The following ARHGAP26 variants were observed in gnomAD, a reference collection of about 807,000 sequenced individuals.
ARHGAP26 encodes the protein Rho GTPase activating protein 26, also known as rho GTPase-activating protein 26.
ARHGAP26 carries 38 observed loss-of-function variants against 104.8 expected under a neutral mutation model. The observed-to-expected ratio is 0.36, with a 90% confidence interval of 0.28 to 0.48. The LOEUF is 0.48. Among genes scored for constraint, ARHGAP26 ranks in the 20% least tolerant of loss-of-function variants. ARHGAP26 has a pLI of 0.99. For synonymous variants in ARHGAP26, 341 were observed against 340.0 expected (o/e 1.00, Z -0.03); for missense variants, 704 against 947.9 (o/e 0.74, Z 3.38).
At chr5:142,801,285 G>A (rs751307952) in intron 1 of ARHGAP26, among the ~76,000 whole-genome samples, 82 of 152,292 alleles carry the variant, frequency 5.4e-4, no homozygotes, top group Middle Eastern at 3.4e-3. Context: ...TGCTATTCTA[G>A]TGCTGCACTG....
At chr5:142,865,388 G>C (rs889140442) in intron 1 of ARHGAP26, among the ~76,000 whole-genome samples, 6 of 151,818 alleles carry the variant, frequency 4.0e-5, no homozygotes, top group African/African-American at 1.2e-4. Flanking sequence ...ACAGCACTTT[G>C]GAAATACATA....
At chr5:142,958,505 A>G (rs1769623379) in intron 11 of ARHGAP26, among the ~76,000 whole-genome samples, 1 of 151,992 alleles carries the variant, frequency 6.6e-6, no homozygotes, top group Non-Finnish European at 1.5e-5. Flanking sequence ...CGTCTTTACA[A>G]AATATAAAAC....
chr5:142,810,137 G>T (rs1763780917), intron 1 of ARHGAP26, among the ~76,000 whole-genome samples: 1 of 152,190 alleles, frequency 6.6e-6, no homozygotes, highest in South Asian at 2.1e-4. Context: ...TTTGGCTGAT[G>T]AATTCTTCTC....
chr5:143,012,560 T>TATATATACATACATAC (rs1554195681), intron 11 of ARHGAP26, among the ~76,000 whole-genome samples: 1 of 70,654 alleles, frequency 1.4e-5, no homozygotes, highest in African/African-American at 4.5e-5. Context: ...TACATATATA[T>TATATATACATACATAC]ATATATATAT....
At chr5:142,839,301 T>G (rs1260982617) in intron 1 of ARHGAP26, among the ~76,000 whole-genome samples, 1 of 151,246 alleles carries the variant, frequency 6.6e-6, no homozygotes, top group Non-Finnish European at 1.5e-5. Context: ...GCCTGGCACA[T>G]AGCAAGCACT....
chr5:143,036,582 G>A (rs1782675649), intron 12 of ARHGAP26, among the ~76,000 whole-genome samples: 1 of 152,054 alleles, frequency 6.6e-6, no homozygotes, highest in South Asian at 2.1e-4. Context: ...AGTCACCTGA[G>A]CAGGATTATA....
At chr5:142,786,671 T>C (rs12109255) in intron 1 of ARHGAP26, among the ~76,000 whole-genome samples, 18,588 of 146,682 alleles carry the variant, frequency 0.13, 2,485 homozygotes, top group African/African-American at 0.35. Context: ...TTTTTTTTTT[T>C]TTTTTTTTGA....
intron 17 of ARHGAP26, among the ~76,000 whole-genome samples, chr5:143,088,505 A>C (rs946448701): frequency 6.6e-6 from 1 of 152,212 alleles, no homozygotes; most frequent in Non-Finnish European, 1.5e-5. Flanking sequence ...TATTATTTTC[A>C]AGGTAAGGAC....
intron 1 of ARHGAP26, among the ~76,000 whole-genome samples, chr5:142,826,907 C>T (rs1031017027): frequency 1.2e-4 from 19 of 152,196 alleles, no homozygotes; most frequent in African/African-American, 4.6e-4. Context: ...CAAAAGCCAA[C>T]ATTTTTCTGG....
intron 17 of ARHGAP26, among the ~76,000 whole-genome samples, chr5:143,116,012 G>T (rs1445620734): frequency 9.3e-4 from 1 of 1,078 alleles, no homozygotes; most frequent in African/African-American, 5.6e-3. Context: ...GACAGGATAA[G>T]ATGGGAATAG....
chr5:142,833,901 G>A (rs112359629), intron 1 of ARHGAP26, among the ~76,000 whole-genome samples: 4,552 of 152,256 alleles, frequency 0.03, 91 homozygotes, highest in South Asian at 0.082. Flanking sequence ...TGACCTTGGC[G>A]TTGGTAAATT....
intron 11 of ARHGAP26, among the ~76,000 whole-genome samples, chr5:142,940,312 ATTTAT>A (rs1275714680): frequency 6.6e-6 from 1 of 151,934 alleles, no homozygotes; most frequent in African/African-American, 2.4e-5. Flanking sequence ...CTTTCTTTTT[ATTTAT>A]TTAATTTTTT....
chr5:142,819,756 A>G (rs1765765537), intron 1 of ARHGAP26, among the ~76,000 whole-genome samples: 1 of 152,274 alleles, frequency 6.6e-6, no homozygotes, highest in Non-Finnish European at 1.5e-5. Context: ...ATCATTACAT[A>G]GAAAATTTAC....
intron 11 of ARHGAP26, among the ~76,000 whole-genome samples, chr5:143,013,083 A>G (rs1779115739): frequency 6.6e-6 from 1 of 152,222 alleles, no homozygotes; most frequent in African/African-American, 2.4e-5. Context: ...TAAGCCAAGC[A>G]TCATATTTAC....
intron 1 of ARHGAP26, among the ~76,000 whole-genome samples, chr5:142,789,156 T>C (rs779705471): frequency 2.0e-5 from 3 of 152,236 alleles, no homozygotes; most frequent in Non-Finnish European, 2.9e-5. Flanking sequence ...TTGGGAGCAT[T>C]GGAAGAGTTA....
At chr5:142,915,695 C>T (rs536649148) in intron 10 of ARHGAP26, 2 of 152,228 alleles carry the variant, frequency 1.3e-5, no homozygotes, top group South Asian at 2.1e-4. Context: ...GTAAGTAGAC[C>T]GTCCTAGGAA....
At chr5:143,052,043 A>G (rs980113928) in intron 14 of ARHGAP26, among the ~76,000 whole-genome samples, 3 of 152,216 alleles carry the variant, frequency 2.0e-5, no homozygotes, top group African/African-American at 7.2e-5. Flanking sequence ...CCATTCAGGG[A>G]GTGCAAGATG....
At chr5:143,195,041 T>G (rs77873398) in intron 20 of ARHGAP26, among the ~76,000 whole-genome samples, 3,674 of 152,274 alleles carry the variant, frequency 0.024, 145 homozygotes, top group African/African-American at 0.084. Flanking sequence ...TTTAGACTAC[T>G]AAATAAGCAC....
intron 17 of ARHGAP26, among the ~76,000 whole-genome samples, chr5:143,081,071 G>A (rs1030034279): frequency 6.6e-6 from 1 of 152,166 alleles, no homozygotes; most frequent in Non-Finnish European, 1.5e-5. Context: ...AGAAACGGAG[G>A]TCTTGTCTTG....
Sources: gnomAD v4.1 joint callset for allele counts (sites outside exome capture counted in the v4.1 genomes callset) on GRCh38, gnomAD v4.1.1 for gene constraint, MANE v1.5 for transcripts, NCBI Gene and HGNC (gene_info 2026-07-23, HGNC 2026-07-21) for gene names.